TRIM17: variants seen among roughly 807,000 people sequenced by gnomAD.
TRIM17 encodes the protein E3 ubiquitin-protein ligase TRIM17.
A neutral mutation model predicts 35.8 loss-of-function variants in TRIM17; 27 were observed. The ratio of observed to expected loss-of-function variants is 0.75; its 90% CI spans 0.56 to 1.04. The LOEUF (loss-of-function observed/expected upper bound fraction) is 1.04, where lower values mean the gene tolerates loss of function less well. TRIM17 is among the 50% of genes least tolerant of loss of function. The pLI is 0.00. For missense variants in TRIM17, 582 were observed against 612.8 expected, an observed-to-expected ratio of 0.95 and a Z score of 0.53; for synonymous variants, 246 against 252.6, an observed-to-expected ratio of 0.97 and a Z score of 0.25.
chr1:228,416,309 C>G (rs1020535407), intron 1 of TRIM17: 3 of 982,840 alleles, frequency 3.1e-6, no homozygotes, highest in Admixed American at 6.1e-5. Flanking sequence ...ACAGCGGCAG[C>G]GGGCCTGGGG....
intron 1 of TRIM17, 86 bp downstream of exon 1, chr1:228,416,453 G>C (rs1657132048): frequency 1.0e-6 from 1 of 986,624 alleles, no homozygotes; most frequent in African/African-American, 1.7e-5. Context: ...CCGGGCGTTG[G>C]AGGGCGAGGA....
chr1:228,413,949 A>G lies in TRIM17; in HGVS notation c.430-57T>C, dbSNP rs1201941663. ...TCAGCGATCCCCCTACCTCCTGCCT[A>G]GAGTCCAGTTGTGCTCGCTGAAACT... On this transcript the variant is annotated intron_variant, in intron 2 of 6. Transcript: ENST00000366698. 31 of 1,461,686 alleles carry G rather than the reference A, an allele frequency of 2.1e-5. No individual in the cohort carries two copies. In the Middle Eastern group the frequency reaches 5.2e-4, roughly 24 times the overall value. The allele number at this position is 1,461,686 out of a possible 1,614,324, so 90.5% of individuals were successfully genotyped here. A position where few individuals can be genotyped will look rare whatever the true frequency, so the allele number is the denominator to read the frequency against.
In TRIM17 at chr1:228,414,821, G is replaced by A. The variant is rs61737799; in HGVS notation, c.252C>T (p.Ala84=). Residue 84 remains alanine (A), a synonymous_variant, in exon 2 of 7, where the codon GCC becomes GCT. Coordinates refer to ENST00000366698, the MANE Select transcript of TRIM17 (RefSeq NM_016102.4). ...GACCAGGATGCTGCTGCGCCATCTCGGCCACCTTGGTCAGCAGCCGGTTGG... is the reference window on the plus strand; with the variant it reads ...GACCAGGATGCTGCTGCGCCATCTCAGCCACCTTGGTCAGCAGCCGGTTGG... The part of the protein sequence containing the change: ...LLPNRLLTKV[A]EMAQQHPGLQ... The A allele has an allele frequency of 6.0e-3, 9,636 of 1,613,430 alleles. 337 individuals are homozygous for A. The African/African-American group carries it at 0.091, about 15-fold the overall frequency.
In TRIM17 at chr1:228,411,652, G is replaced by A. The variant is rs1381986717; in HGVS notation, c.526-476C>T. Among the ~76,000 whole-genome samples the A allele has an allele frequency of 6.6e-6, 1 of 152,002 alleles. No homozygotes were observed. Among genetic ancestry groups the A allele is most frequent in the African/African-American group, 2.4e-5 (1 of 41,376 alleles). The stretch of plus-strand genomic sequence containing the variant: ...GTTTTTAAATTTTGTGTAGGGACAG[G>A]GTCTTGCTCTGTTGCCCAGGCTGGA... On this transcript the variant is annotated intron_variant, in intron 3 of 6. Coordinates refer to ENST00000366698, the MANE Select transcript of TRIM17 (RefSeq NM_016102.4). This position sits in a 1 kb window ranked among gnomAD's most constrained non-coding sequence, Gnocchi z 4.2.
At chr1:228,415,879 AAC>A (rs1318313541) in intron 1 of TRIM17, 30 of 152,588 alleles carry the variant, frequency 2.0e-4, no homozygotes, top group African/African-American at 5.3e-4. Flanking sequence ...CTGATCCACA[AAC>A]ACAGCACACA....
chr1:228,409,606 T>C, intron 4 of TRIM17, 195 bp from the exon 5 acceptor site: 1 of 545,710 alleles, frequency 1.8e-6, no homozygotes, highest in Non-Finnish European at 3.2e-6. Context: ...GAGCCCCCAG[T>C]GCCTCACCTA....
Position 228,408,264 on chromosome 1 carries a change from G to C in TRIM17, c.1371C>G (p.Cys457Trp). 6.3e-7 allele frequency: 1 copy of C among 1,583,810 alleles called. No homozygotes were observed. Among genetic ancestry groups the C allele is most frequent in the Non-Finnish European group, 8.6e-7 (1 of 1,163,988 alleles). Residue 457 changes from cysteine (C) to tryptophan (W), a missense_variant, in exon 7 of 7, where the codon TGC (cysteine) becomes TGG (tryptophan). Transcript: ENST00000366698. This position sits in a 1 kb window ranked among gnomAD's most constrained non-coding sequence, Gnocchi z 6.3. ...TCTGACCAGACTTCGGAGCCCCCAG[G>C]CAGAAGAAAGGCTGCAGGGGGCCTG... ...TFPGPLQPFF[C>W]LGAPKSGQMV...
chr1:228,415,224 G>A (rs1259036948), intron 1 of TRIM17, 111 bp from the exon 2 acceptor site: 14 of 834,480 alleles, frequency 1.7e-5, no homozygotes, highest in Non-Finnish European at 2.5e-5. Flanking sequence ...CAGTTAGAGA[G>A]TCCAGAGTCA....
In TRIM17 at chr1:228,410,488, G is replaced by C. The variant is rs966549518; in HGVS notation, c.756+458C>G. 1.3e-5 allele frequency among the ~76,000 whole-genome samples: 2 copies of C among 151,880 alleles called. No individual in the cohort carries two copies. The highest frequency in any genetic ancestry group is 2.9e-5 in the Non-Finnish European group (2 of 68,010). ...CCAGGTGTCCCAAGCCACCTCTCTGGACTTGGAAGGAAATGGGGACACTGT... is the reference window on the plus strand; with the variant it reads ...CCAGGTGTCCCAAGCCACCTCTCTGCACTTGGAAGGAAATGGGGACACTGT... On this transcript the variant is annotated intron_variant, in intron 4 of 6. Coordinates refer to ENST00000366698, the MANE Select transcript of TRIM17 (RefSeq NM_016102.4). The surrounding 1 kb of genome is among the most constrained non-coding windows in gnomAD (Gnocchi z 4.6).
intron 2 of TRIM17, among the ~76,000 whole-genome samples, chr1:228,414,249 T>C (rs1250748295): frequency 2.0e-5 from 3 of 152,168 alleles, no homozygotes; most frequent in Non-Finnish European, 4.4e-5. Flanking sequence ...ACCCTCATCC[T>C]CCTCAGGTAC....
chr1:228,413,162 C>T (rs1656875948), intron 3 of TRIM17, among the ~76,000 whole-genome samples: 1 of 146,310 alleles, frequency 6.8e-6, no homozygotes, highest in African/African-American at 2.6e-5. Context: ...AGTGAACTGA[C>T]ACCGCACCAT....
rs375385996 is a variant in TRIM17, at chr1:228,408,670, G to A, written c.965C>T (p.Ser322Leu). 9 of 1,611,488 alleles carry A rather than the reference G, an allele frequency of 5.6e-6. No homozygotes were observed. The highest frequency in any genetic ancestry group is 5.3e-5 in the African/African-American group (4 of 74,922). The change falls in exon 7 of 7, where the codon TCG becomes TTG. Residue 322 changes from serine to leucine, a missense_variant. Physicochemically the swap from Ser to Leu is moderately radical, Grantham distance 145. Coordinates refer to ENST00000366698, the MANE Select transcript of TRIM17 (RefSeq NM_016102.4). This position sits in a 1 kb window ranked among gnomAD's most constrained non-coding sequence, Gnocchi z 6.3. ...ESRQRRYLGS[S>L]PEGSGFCSKD... Reference sequence around the variant, plus strand: ...GCTGCAGAACCCACTGCCCTCCGGCGAAGAGCCGAGGTAGCGCCTCTGGCG... The same window carrying A: ...GCTGCAGAACCCACTGCCCTCCGGCAAAGAGCCGAGGTAGCGCCTCTGGCG...
chr1:228,409,235 G>A lies in TRIM17; in HGVS notation c.820C>T (p.Pro274Ser), dbSNP rs149687443. 3 of 1,613,862 alleles carry A rather than the reference G, an allele frequency of 1.9e-6. No homozygotes were observed. Among genetic ancestry groups the A allele is most frequent in the African/African-American group, 1.3e-5 (1 of 74,960 alleles). Residue 274 changes from proline to serine, a missense_variant, in exon 6 of 7, where the codon CCA becomes TCA. Pro to Ser is a moderately conservative substitution (Grantham distance 74). Transcript: ENST00000366698. The part of the protein sequence containing the change: ...VSVQCPEVAP[P>S]TRPRTVCRVP... The stretch of plus-strand genomic sequence containing the variant: ...CTGCACACAGTCCTGGGTCTGGTTG[G>A]GGGGGCAACCTCTGGGCACTGCACA...
In TRIM17 at chr1:228,409,280, G is replaced by A. The variant is rs753662808; in HGVS notation, c.780-5C>T. The A allele has an allele frequency of 4.4e-5, 71 of 1,613,126 alleles. No homozygotes were observed. Among genetic ancestry groups the A allele is most frequent in the Non-Finnish European group, 5.1e-5 (60 of 1,179,502 alleles). On this transcript the variant is annotated splice_region_variant and splice_polypyrimidine_tract_variant and intron_variant, in intron 5 of 6. Coordinates refer to ENST00000366698, the MANE Select transcript of TRIM17 (RefSeq NM_016102.4). ...TGCACACTCACGTTGTTCTTCCTCC[G>A]GTGGGCACACACAGGGGAGTCTTAT...
Position 228,411,006 on chromosome 1 carries a change from CAG to C in TRIM17, c.694_695del (p.Leu232GlyfsTer56), listed in dbSNP as rs768482805. 14 of 1,611,366 alleles carry C rather than the reference CAG, an allele frequency of 8.7e-6. No individual in the cohort carries two copies. The highest frequency in any genetic ancestry group is 1.2e-5 in the Non-Finnish European group (14 of 1,179,278). On this transcript the variant is annotated frameshift_variant, in exon 4 of 7. Transcript: ENST00000366698. LOFTEE classifies it high-confidence loss of function. The surrounding 1 kb of genome is among the most constrained non-coding windows in gnomAD (Gnocchi z 4.2). ...CCTCCAGCTGCAGCAGCAGCAGCTC[CAG>C]AGAGTGACCCTGCCGGTCCAGGCAG... ...VACLDRQGHSLELLLLQLEER... is the reference protein window; with the variant it reads ...VACLDRQGHSXELLLLQLEER...
At position 228,414,651 on chromosome 1, in the gene TRIM17, C is replaced by G. The variant is rs1167290590; in HGVS notation, c.422G>C (p.Gly141Ala). 1 of 1,611,408 alleles carries G rather than the reference C, an allele frequency of 6.2e-7. No individual in the cohort carries two copies. The change falls in exon 2 of 7, where the codon GGG (glycine) becomes GCG (alanine). Residue 141 changes from glycine (G) to alanine (A), a missense_variant. Transcript: ENST00000366698. ...RVLPAEEAVQ[G>A]YKLKLEEDME... ...GGCCCCGATGTGGCCTACCTTGTAC[C>G]CCTGCACTGCCTCCTCGGCGGGCAG... is the stretch of plus-strand genomic sequence containing the variant.
chr1:228,408,651 G>C lies in TRIM17; in HGVS notation c.984C>G (p.Phe328Leu). ...AAGCCACAAATCGGTCCTTGCTGCAGAACCCACTGCCCTCCGGCGAAGAGC... is the reference window on the plus strand; with the variant it reads ...AAGCCACAAATCGGTCCTTGCTGCACAACCCACTGCCCTCCGGCGAAGAGC... ...YLGSSPEGSG[F>L]CSKDRFVAYP... Residue 328 changes from phenylalanine (F) to leucine (L), a missense_variant, in exon 7 of 7, where the codon TTC (phenylalanine) becomes TTG (leucine). Coordinates refer to ENST00000366698, the MANE Select transcript of TRIM17 (RefSeq NM_016102.4). This position sits in a 1 kb window ranked among gnomAD's most constrained non-coding sequence, Gnocchi z 6.3. The C allele has an allele frequency of 6.2e-7, 1 of 1,613,014 alleles. No homozygotes were observed. The highest frequency in any genetic ancestry group is 8.5e-7 in the Non-Finnish European group (1 of 1,180,038).
At chr1:228,414,609 C>T in intron 2 of TRIM17, 35 bp downstream of exon 2, 1 of 1,579,392 alleles carries the variant, frequency 6.3e-7, no homozygotes, top group Non-Finnish European at 8.7e-7. Context: ...ATGCCTCCTC[C>T]CCGGCCCCTT....
rs1657145681 is a variant in TRIM17, at chr1:228,416,564, GC to G, written c.-68del. ...CGCGGGGAAGGGGGGCCCGCACAGC[GC>G]CTAGTGCACCTGGCCGAGCGCTCGC... On this transcript the variant is annotated 5_prime_UTR_variant, in exon 1 of 7. Transcript: ENST00000366698. 1 of 985,840 alleles carries G rather than the reference GC, an allele frequency of 1.0e-6. No individual in the cohort carries two copies. The highest frequency in any genetic ancestry group is 6.1e-5 in the Admixed American group (1 of 16,280). 61.1% of individuals were successfully genotyped at this position (985,840 alleles called of 1,614,324 possible).
Sources: allele counts gnomAD v4.1 joint callset (sites outside exome capture counted in the v4.1 genomes callset), GRCh38; gene constraint gnomAD v4.1.1; non-coding constraint Gnocchi (gnomAD v3.1); transcripts MANE v1.5; gene names NCBI Gene and HGNC (gene_info 2026-07-23, HGNC 2026-07-21).